The following PTPRC variants were observed in gnomAD, a reference collection of about 807,000 sequenced individuals.
The protein encoded by PTPRC is protein tyrosine phosphatase receptor type C.
In PTPRC, 44 loss-of-function variants were observed where a neutral mutation model predicts 155.9. The ratio of observed to expected loss-of-function variants is 0.28; its 90% CI spans 0.22 to 0.36. The LOEUF is 0.36. Ranked by LOEUF, PTPRC falls within the 10% of genes least tolerant of loss-of-function variation. PTPRC has a pLI of 1.00. For synonymous variants in PTPRC, 525 were observed against 533.1 expected, an observed-to-expected ratio of 0.98 and a Z score of 0.21; for missense variants, 1,401 against 1,564.6, an observed-to-expected ratio of 0.90 and a Z score of 1.76.
At chr1:198,639,185 A>T in intron 1 of PTPRC, 41 bp from the exon 2 acceptor site, 1 of 1,127,970 alleles carries the variant, frequency 8.9e-7, no homozygotes, top group East Asian at 2.4e-5. Context: ...GTTTTTACAG[A>T]GAAAAACTTC....
intron 2 of PTPRC, among the ~76,000 whole-genome samples, chr1:198,643,618 G>GA (rs1389120725): frequency 2.6e-5 from 4 of 151,798 alleles, no homozygotes; most frequent in Non-Finnish European, 5.9e-5. Context: ...AGAGCCTCCT[G>GA]ACTTCCTAAA....
At chr1:198,725,357 T>C (rs900521669) in intron 15 of PTPRC, among the ~76,000 whole-genome samples, 1 of 152,206 alleles carries the variant, frequency 6.6e-6, no homozygotes, top group Non-Finnish European at 1.5e-5. Flanking sequence ...TGTTCTGTGG[T>C]CCTTAGAAGA....
intron 2 of PTPRC, 74 bp downstream of exon 2, chr1:198,639,415 A>G: frequency 1.7e-6 from 2 of 1,204,216 alleles, no homozygotes; most frequent in South Asian, 2.7e-5. Flanking sequence ...AGACATAAAA[A>G]TAATTTAAAT....
intron 2 of PTPRC, among the ~76,000 whole-genome samples, chr1:198,658,928 C>T (rs1378970093): frequency 6.6e-6 from 1 of 152,036 alleles, no homozygotes; most frequent in Non-Finnish European, 1.5e-5. Flanking sequence ...AGTTGAATAA[C>T]TGATACGGTA....
intron 8 of PTPRC, among the ~76,000 whole-genome samples, chr1:198,706,481 A>AG (rs1290571261): frequency 6.6e-6 from 1 of 152,202 alleles, no homozygotes; most frequent in African/African-American, 2.4e-5. Flanking sequence ...CTCTCATGGA[A>AG]GTTCCAAGTC....
rs564330965 is a variant in PTPRC at position 198,729,327 on chromosome 1, C to T, written c.1864+156C>T. Among the ~76,000 whole-genome samples, 9 of 152,132 alleles carry T rather than the reference C, an allele frequency of 5.9e-5. No individual in the cohort carries two copies. In the South Asian group the frequency reaches 6.2e-4, roughly 11 times the overall value. ...TGCAATCTCTGCTTATTGCAGCCTC[C>T]GCCTCCCTGTTGAAGCAATTCTCAT... is the stretch of plus-strand genomic sequence containing the variant. On this transcript the variant is annotated intron_variant, in intron 17 of 32. Coordinates refer to ENST00000442510, the MANE Select transcript of PTPRC (RefSeq NM_002838.5).
chr1:198,736,583 A>T (rs1337159777), intron 23 of PTPRC, among the ~76,000 whole-genome samples: 1 of 151,710 alleles, frequency 6.6e-6, no homozygotes, highest in Non-Finnish European at 1.5e-5. Flanking sequence ...TTATCCATTC[A>T]TCAGTCAACT....
chr1:198,741,872 AAAG>A lies in PTPRC; in HGVS notation c.2410_2412del (p.Glu804del). ...GAAAATATTATCTCTTGACTAGAAAAAAGAAAAAGCAACTGGAAGAGAGGTGAC... is the reference window on the plus strand; with the variant it reads ...GAAAATATTATCTCTTGACTAGAAAAAAAAAGCAACTGGAAGAGAGGTGAC... On this transcript the variant is annotated inframe_deletion, in exon 24 of 33. Transcript: ENST00000442510. 2 of 1,611,472 alleles carry A rather than the reference AAAG, an allele frequency of 1.2e-6. No homozygotes were observed. The highest frequency in any genetic ancestry group is 1.7e-6 in the Non-Finnish European group (2 of 1,178,596).
intron 2 of PTPRC, among the ~76,000 whole-genome samples, chr1:198,673,861 A>C (rs1293197254): frequency 6.6e-6 from 1 of 152,148 alleles, no homozygotes; most frequent in African/African-American, 2.4e-5. Flanking sequence ...GCTAATCTAA[A>C]TTTAAGAAAT....
At chr1:198,747,423 T>G (rs1316176023) in intron 26 of PTPRC, among the ~76,000 whole-genome samples, 1 of 151,710 alleles carries the variant, frequency 6.6e-6, no homozygotes, top group East Asian at 1.9e-4. Flanking sequence ...TTGAGGAGGT[T>G]TGTTGTCCTC....
At chr1:198,642,591 G>A (rs112867199) in intron 2 of PTPRC, among the ~76,000 whole-genome samples, 4 of 151,860 alleles carry the variant, frequency 2.6e-5, no homozygotes, top group African/African-American at 9.6e-5. Context: ...TGCTCCCCAA[G>A]TCCTGAAATT....
Position 198,735,068 on chromosome 1 carries a change from T to A in PTPRC, c.2278-59T>A, listed in dbSNP as rs1300923170. On this transcript the variant is annotated intron_variant, in intron 22 of 32. Transcript: ENST00000442510. ...TTTGTTTTCACTGTTTAAAGAAAGTTTGATAAAAAATTGGCTTAAATTAAA... is the reference window on the plus strand; with the variant it reads ...TTTGTTTTCACTGTTTAAAGAAAGTATGATAAAAAATTGGCTTAAATTAAA... 15 of 1,425,690 alleles carry A rather than the reference T, an allele frequency of 1.1e-5. 1 individual carries two copies. Among genetic ancestry groups the A allele is most frequent in the Non-Finnish European group, 1.4e-5 (15 of 1,046,722 alleles). 88.3% of individuals were successfully genotyped at this position (1,425,690 alleles called of 1,614,324 possible).
intron 26 of PTPRC, among the ~76,000 whole-genome samples, 188 bp downstream of exon 26, chr1:198,744,391 A>T (rs1558035990): frequency 6.6e-6 from 1 of 151,878 alleles, no homozygotes; most frequent in Non-Finnish European, 1.5e-5. Context: ...CAACTATTAC[A>T]TAGGAGATTT....
chr1:198,695,143 C>T, intron 3 of PTPRC: 2 of 888,750 alleles, frequency 2.3e-6, no homozygotes, highest in African/African-American at 1.8e-5. Context: ...AGCTTTGATA[C>T]TAATGAATAA....
intron 22 of PTPRC, 46 bp downstream of exon 22, chr1:198,734,471 A>C (rs1446058159): frequency 4.5e-6 from 7 of 1,560,866 alleles, no homozygotes; most frequent in Non-Finnish European, 6.2e-6. Flanking sequence ...GGTTAGGAAA[A>C]CAAGGTGTTG....
chr1:198,658,028 G>A (rs1663697583), intron 2 of PTPRC, among the ~76,000 whole-genome samples: 1 of 152,094 alleles, frequency 6.6e-6, no homozygotes, highest in South Asian at 2.1e-4. Flanking sequence ...GAGAGATGTG[G>A]AGCACATATA....
rs772369890 is a variant in PTPRC, at chr1:198,699,579, A to G, written c.314A>G (p.Gln105Arg). Residue 105 changes from glutamine to arginine, a missense_variant, in exon 5 of 33, where the codon CAG becomes CGG. Gln to Arg is a conservative substitution (Grantham distance 43). Coordinates refer to ENST00000442510, the MANE Select transcript of PTPRC (RefSeq NM_002838.5). ...AFNTTGVSSV[Q>R]TPHLPTHADS... ...CCTACCTTAGGTGTTTCATCAGTAC[A>G]GACGCCTCACCTTCCCACGCACGCA... 3.1e-6 allele frequency: 5 copies of G among 1,614,208 alleles called. No individual in the cohort carries two copies. The Admixed American group carries it at 6.7e-5, about 22-fold the overall frequency.
intron 15 of PTPRC, among the ~76,000 whole-genome samples, chr1:198,727,812 A>G (rs570842280): frequency 6.6e-6 from 1 of 152,288 alleles, no homozygotes; most frequent in South Asian, 2.1e-4. Flanking sequence ...AAGTCAGGGT[A>G]AGTCTTATCC....
At chr1:198,677,903 A>C (rs2102316814) in intron 2 of PTPRC, among the ~76,000 whole-genome samples, 1 of 152,316 alleles carries the variant, frequency 6.6e-6, no homozygotes, top group African/African-American at 2.4e-5. Context: ...GGTCATTCCG[A>C]GGAGAATATA....
Sources: gnomAD v4.1 joint callset for allele counts (sites outside exome capture counted in the v4.1 genomes callset) on GRCh38, gnomAD v4.1.1 for gene constraint, MANE v1.5 for transcripts, NCBI Gene and HGNC (gene_info 2026-07-23, HGNC 2026-07-21) for gene names.